The following TMEM117 variants were observed in gnomAD, a reference collection of about 807,000 sequenced individuals.
TMEM117 encodes transmembrane protein 117.
Under a neutral mutation model 52.4 loss-of-function variants are expected in TMEM117, and 27 were observed. The ratio of observed to expected loss-of-function variants is 0.51; its 90% CI spans 0.38 to 0.71. The LOEUF is 0.71. Among genes scored for constraint, TMEM117 ranks in the 30% least tolerant of loss-of-function variants. TMEM117 has a pLI of 0.00. For synonymous variants in TMEM117, 215 were observed against 206.3 expected, an observed-to-expected ratio of 1.04 and a Z score of -0.36; for missense variants, 556 against 630.5, an observed-to-expected ratio of 0.88 and a Z score of 1.26.
At chr12:43,980,725 C>A (rs865842639) in intron 3 of TMEM117, among the ~76,000 whole-genome samples, 1 of 152,046 alleles carries the variant, frequency 6.6e-6, no homozygotes, top group South Asian at 2.1e-4. Context: ...AGACTCTGGC[C>A]AAGCAACAGA....
At chr12:44,316,485 T>A (rs944426305) in intron 6 of TMEM117, among the ~76,000 whole-genome samples, 12 of 152,208 alleles carry the variant, frequency 7.9e-5, no homozygotes, top group Non-Finnish European at 1.6e-4. Flanking sequence ...GTGCATGGTC[T>A]GAACTTTTTC....
chr12:44,232,824 G>C (rs1456009308), intron 5 of TMEM117, among the ~76,000 whole-genome samples: 2 of 150,818 alleles, frequency 1.3e-5, no homozygotes, highest in Non-Finnish European at 1.5e-5. Flanking sequence ...CTTCTTTACT[G>C]TTTCTCAGTA....
intron 6 of TMEM117, among the ~76,000 whole-genome samples, chr12:44,327,983 T>C (rs1439003409): frequency 6.6e-6 from 1 of 152,188 alleles, no homozygotes; most frequent in East Asian, 1.9e-4. Flanking sequence ...AGGCCTGAAC[T>C]TCTGTGACGG....
chr12:44,093,259 A>G (rs1947704093), intron 3 of TMEM117, among the ~76,000 whole-genome samples: 2 of 152,148 alleles, frequency 1.3e-5, no homozygotes, highest in Admixed American at 1.3e-4. Context: ...TAAATTATAT[A>G]TTCACAGCTC....
chr12:44,359,814 T>A (rs1951697905), intron 6 of TMEM117, among the ~76,000 whole-genome samples: 1 of 152,106 alleles, frequency 6.6e-6, no homozygotes, highest in African/African-American at 2.4e-5. Flanking sequence ...ACCAACTATA[T>A]TTACACGTTA....
chr12:44,103,149 G>A (rs954889880), intron 3 of TMEM117, among the ~76,000 whole-genome samples: 3 of 151,210 alleles, frequency 2.0e-5, no homozygotes, highest in Admixed American at 1.3e-4. Flanking sequence ...AAGGAGAGAG[G>A]CATTTTTATG....
chr12:44,145,114 GC>G (rs777558049), intron 4 of TMEM117, among the ~76,000 whole-genome samples: 8 of 152,106 alleles, frequency 5.3e-5, no homozygotes, highest in Non-Finnish European at 1.0e-4. Flanking sequence ...CCGAGATCGC[GC>G]CACTGAACTC....
At chr12:44,130,223 A>T (rs898062305) in intron 3 of TMEM117, among the ~76,000 whole-genome samples, 1 of 152,204 alleles carries the variant, frequency 6.6e-6, no homozygotes, top group African/African-American at 2.4e-5. Context: ...GCACACAGGT[A>T]TATCTTAATT....
intron 4 of TMEM117, among the ~76,000 whole-genome samples, chr12:44,164,509 C>T (rs2138263193): frequency 6.6e-6 from 1 of 152,184 alleles, no homozygotes; most frequent in Admixed American, 6.5e-5. Flanking sequence ...GCCTCCAGCT[C>T]CATTTAAGTT....
chr12:43,839,325 A>G (rs1216201415), intron 1 of TMEM117, among the ~76,000 whole-genome samples: 3 of 152,264 alleles, frequency 2.0e-5, no homozygotes, highest in Admixed American at 6.5e-5. Flanking sequence ...GAAAGCCCAC[A>G]TACGAGGGCT....
At chr12:43,887,836 G>A (rs1944024976) in intron 2 of TMEM117, among the ~76,000 whole-genome samples, 1 of 152,218 alleles carries the variant, frequency 6.6e-6, no homozygotes, top group African/African-American at 2.4e-5. Flanking sequence ...ACTGGGTGTG[G>A]AAGGAAAGGG....
intron 2 of TMEM117, among the ~76,000 whole-genome samples, chr12:43,875,214 T>TG (rs1239285662): frequency 2.7e-5 from 3 of 111,828 alleles, no homozygotes. Context: ...AAAAGAATGG[T>TG]GGGGAAGTGT....
chr12:44,295,547 C>A (rs1477469897), intron 5 of TMEM117, among the ~76,000 whole-genome samples: 3 of 152,014 alleles, frequency 2.0e-5, no homozygotes, highest in Admixed American at 6.6e-5. Context: ...TGTCATTCCT[C>A]TAACTGGCTA....
intron 6 of TMEM117, among the ~76,000 whole-genome samples, chr12:44,335,337 T>C (rs1186375038): frequency 6.6e-6 from 1 of 152,108 alleles, no homozygotes; most frequent in Non-Finnish European, 1.5e-5. Flanking sequence ...GAACTAAGTC[T>C]AAACAGAATA....
chr12:44,003,272 C>G (rs1012874406), intron 3 of TMEM117, among the ~76,000 whole-genome samples: 3 of 152,134 alleles, frequency 2.0e-5, no homozygotes, highest in African/African-American at 7.2e-5. Flanking sequence ...CTTTAAAAGG[C>G]CCATGGGTAG....
intron 6 of TMEM117, among the ~76,000 whole-genome samples, chr12:44,315,775 T>C (rs1365131273): frequency 6.6e-6 from 1 of 152,234 alleles, no homozygotes; most frequent in Non-Finnish European, 1.5e-5. Context: ...TATTAAATCT[T>C]CTTGTTGAAT....
chr12:44,026,933 T>C (rs1228121384), intron 3 of TMEM117, among the ~76,000 whole-genome samples: 2 of 151,684 alleles, frequency 1.3e-5, no homozygotes, highest in Non-Finnish European at 2.9e-5. Context: ...ATAATCTATA[T>C]TATTATGTAG....
intron 5 of TMEM117, among the ~76,000 whole-genome samples, chr12:44,260,781 A>C (rs1229869824): frequency 1.3e-5 from 2 of 152,208 alleles, no homozygotes; most frequent in Non-Finnish European, 2.9e-5. Flanking sequence ...CTAGTTTCAC[A>C]GTGGAAAACC....
chr12:43,892,461 C>A (rs965110121), intron 2 of TMEM117, among the ~76,000 whole-genome samples: 1 of 152,168 alleles, frequency 6.6e-6, no homozygotes, highest in Admixed American at 6.5e-5. Flanking sequence ...TTTATATAAA[C>A]ATTTTAGGCA....
Sources: allele counts gnomAD v4.1 joint callset (sites outside exome capture counted in the v4.1 genomes callset), GRCh38; gene constraint gnomAD v4.1.1; transcripts MANE v1.5; gene names NCBI Gene and HGNC (gene_info 2026-07-23, HGNC 2026-07-21).